The following CACNB2 variants were observed in gnomAD, a reference collection of about 807,000 sequenced individuals.
The protein encoded by CACNB2 is voltage-dependent L-type calcium channel subunit beta-2.
CACNB2 carries 42 observed loss-of-function variants against 73.3 expected under a neutral mutation model. That is an observed-to-expected ratio of 0.57 (90% CI 0.45 to 0.74). The LOEUF is 0.74. CACNB2 is among the 30% of genes least tolerant of loss of function. CACNB2 has a pLI of 0.00. For missense variants in CACNB2, 940 were observed against 853.0 expected (o/e 1.10, Z -1.27); for synonymous variants, 348 against 310.3 (o/e 1.12, Z -1.28).
intron 2 of CACNB2, among the ~76,000 whole-genome samples, chr10:18,366,946 A>G (rs1335039749): frequency 6.6e-6 from 1 of 152,318 alleles, no homozygotes; most frequent in Non-Finnish European, 1.5e-5. Flanking sequence ...TAGTATCACT[A>G]TATTCCAGCT....
At chr10:18,409,423 C>T (rs1291365501) in intron 3 of CACNB2, among the ~76,000 whole-genome samples, 2 of 152,074 alleles carry the variant, frequency 1.3e-5, no homozygotes, top group Non-Finnish European at 2.9e-5. Context: ...CAGATATGAA[C>T]CACTGTGCCC....
At position 18,400,927 on chromosome 10, in the gene CACNB2, C is replaced by A. The variant is rs909754206; in HGVS notation, c.214-997C>A. 56 of 1,583,006 alleles carry A rather than the reference C, an allele frequency of 3.5e-5. No individual in the cohort carries two copies. The African/African-American group carries it at 7.3e-4, about 21-fold the overall frequency. ...AAAGGGACGGAGAACAGGGGCTTGC[C>A]CAGAGCATGGATAGGAAAGGAGCTG... is the stretch of plus-strand genomic sequence containing the variant. On this transcript the variant is annotated intron_variant, in intron 2 of 13. Coordinates refer to ENST00000324631, the MANE Select transcript of CACNB2 (RefSeq NM_201596.3).
chr10:18,499,123 G>A (rs947000968), intron 4 of CACNB2, among the ~76,000 whole-genome samples: 1 of 152,130 alleles, frequency 6.6e-6, no homozygotes, highest in Non-Finnish European at 1.5e-5. Context: ...CTGCCTTGTG[G>A]AGCACTGTGT....
At chr10:18,207,331 A>G (rs1416383729) in intron 2 of CACNB2, among the ~76,000 whole-genome samples, 1 of 152,140 alleles carries the variant, frequency 6.6e-6, no homozygotes, top group East Asian at 1.9e-4. Flanking sequence ...GAGCCACTGC[A>G]CCCAGCCAAT....
At chr10:18,500,779 A>G (rs564251027) in intron 4 of CACNB2, 33 bp from the exon 5 acceptor site, 14 of 1,608,862 alleles carry the variant, frequency 8.7e-6, no homozygotes, top group South Asian at 7.7e-5. Context: ...CCTTCTGTGC[A>G]CTGATTTTTA....
chr10:18,416,992 G>A (rs2045007517), intron 3 of CACNB2, among the ~76,000 whole-genome samples: 1 of 149,448 alleles, frequency 6.7e-6, no homozygotes, highest in South Asian at 2.1e-4. Context: ...TCAAGGAGCT[G>A]CTTTTAGAAA....
chr10:18,360,888 A>C (rs990056973), intron 2 of CACNB2, among the ~76,000 whole-genome samples: 5 of 152,114 alleles, frequency 3.3e-5, no homozygotes, highest in Admixed American at 2.0e-4. Context: ...GATATTCCCT[A>C]CTCACTGTGG....
chr10:18,175,603 T>A (rs1392427847), intron 2 of CACNB2, among the ~76,000 whole-genome samples: 1 of 152,196 alleles, frequency 6.6e-6, no homozygotes, highest in Non-Finnish European at 1.5e-5. Flanking sequence ...GAATTTTTTT[T>A]AAGTACTTCT....
intron 2 of CACNB2, chr10:18,257,297 A>G (rs1339867378): frequency 1.3e-5 from 2 of 152,234 alleles, no homozygotes; most frequent in Non-Finnish European, 2.9e-5. Context: ...ATCTTAGCCC[A>G]GCAGCCGATG....
intron 2 of CACNB2, among the ~76,000 whole-genome samples, chr10:18,353,534 T>C (rs769045492): frequency 2.0e-5 from 3 of 152,164 alleles, no homozygotes; most frequent in Non-Finnish European, 4.4e-5. Flanking sequence ...ATAAACAAAA[T>C]ATGTAAGCAT....
chr10:18,460,617 A>G (rs2047520671), intron 3 of CACNB2, among the ~76,000 whole-genome samples: 1 of 152,084 alleles, frequency 6.6e-6, no homozygotes, highest in Middle Eastern at 3.2e-3. Context: ...CTGGTTGGGC[A>G]TGCTGGCTCA....
chr10:18,438,917 T>C (rs973589855), intron 3 of CACNB2, among the ~76,000 whole-genome samples: 29 of 152,210 alleles, frequency 1.9e-4, no homozygotes, highest in African/African-American at 6.8e-4. Flanking sequence ...GCAGAACACA[T>C]CAGATTAAAT....
intron 2 of CACNB2, among the ~76,000 whole-genome samples, chr10:18,152,726 A>AC (rs1564298362): frequency 8.4e-6 from 1 of 119,032 alleles, no homozygotes; most frequent in Non-Finnish European, 1.7e-5. Flanking sequence ...AAAAAAAAAA[A>AC]AAAAAACAAA....
At chr10:18,152,087 G>A (rs2031610338) in intron 2 of CACNB2, among the ~76,000 whole-genome samples, 1 of 152,148 alleles carries the variant, frequency 6.6e-6, no homozygotes, top group African/African-American at 2.4e-5. Context: ...CCTCCCTCAT[G>A]TTTCCTTCCC....
intron 2 of CACNB2, among the ~76,000 whole-genome samples, chr10:18,233,957 C>T (rs886539521): frequency 2.0e-5 from 3 of 152,190 alleles, no homozygotes; most frequent in Admixed American, 6.5e-5. Context: ...AGAGCATAGG[C>T]GTCCCCTACT....
At chr10:18,515,001 A>T in intron 7 of CACNB2, 1 of 1,613,886 alleles carries the variant, frequency 6.2e-7, no homozygotes, top group Non-Finnish European at 8.5e-7. Flanking sequence ...GCAGATGAAC[A>T]AGACCAGTGG....
intron 9 of CACNB2, among the ~76,000 whole-genome samples, chr10:18,522,786 G>A (rs2052036794): frequency 6.7e-6 from 1 of 150,298 alleles, no homozygotes; most frequent in Non-Finnish European, 1.5e-5. Flanking sequence ...GCTGAGGCAG[G>A]AGAATTGCTT....
intron 2 of CACNB2, among the ~76,000 whole-genome samples, chr10:18,364,551 T>C (rs1052637808): frequency 6.6e-6 from 1 of 151,764 alleles, no homozygotes; most frequent in East Asian, 2.0e-4. Flanking sequence ...CCACCCACCT[T>C]GGCCTCCCAA....
intron 9 of CACNB2, among the ~76,000 whole-genome samples, chr10:18,526,934 A>G (rs1036132088): frequency 6.6e-6 from 1 of 152,170 alleles, no homozygotes; most frequent in African/African-American, 2.4e-5. Flanking sequence ...ACCCTTGGAT[A>G]AAAAATCTCT....
Sources: allele counts gnomAD v4.1 joint callset (sites outside exome capture counted in the v4.1 genomes callset), GRCh38; gene constraint gnomAD v4.1.1; transcripts MANE v1.5; gene names NCBI Gene and HGNC (gene_info 2026-07-23, HGNC 2026-07-21).